Variants in GRB14 observed in about 807,000 individuals in gnomAD.
The protein encoded by GRB14 is growth factor receptor-bound protein 14.
A neutral mutation model predicts 69.1 loss-of-function variants in GRB14; 38 were observed. The observed-to-expected ratio is 0.55, with a 90% CI of 0.42 to 0.72. The LOEUF (loss-of-function observed/expected upper bound fraction) is 0.72, where lower values mean the gene tolerates loss of function less well. Among genes scored for constraint, GRB14 ranks in the 30% least tolerant of loss-of-function variants. The pLI is 0.00. For synonymous variants in GRB14, 247 were observed against 241.3 expected (o/e 1.02, Z -0.22); for missense variants, 666 against 666.1 (o/e 1.00, Z 0.00).
intron 8 of GRB14, among the ~76,000 whole-genome samples, chr2:164,504,653 T>C (rs1209782686): frequency 6.6e-6 from 1 of 152,188 alleles, no homozygotes; most frequent in Non-Finnish European, 1.5e-5. Context: ...CTCTTCAGCC[T>C]CATCTGGAAA....
rs1355850353 is a variant in GRB14 at position 164,502,272 on chromosome 2, G to C, written c.1087C>G (p.Gln363Glu). Reference sequence around the variant, plus strand: ...GTCCTTACCATAGGTGATATGCTCTGTGAACTGCAGCCACTTCTACCTTGA... The same window carrying C: ...GTCCTTACCATAGGTGATATGCTCTCTGAACTGCAGCCACTTCTACCTTGA... ...PYQGRSGCSSQSISPMRSISE... is the reference protein window; with the variant it reads ...PYQGRSGCSSESISPMRSISE... The change falls in exon 9 of 14, where the codon CAG (glutamine) becomes GAG (glutamate). Residue 363 changes from glutamine (Q) to glutamate (E), a missense_variant. Transcript: ENST00000263915. 1.3e-5 allele frequency: 20 copies of C among 1,599,988 alleles called. No individual in the cohort carries two copies. The Admixed American group carries it at 3.3e-4, about 27-fold the overall frequency.
chr2:164,618,678 T>C (rs560345696), intron 2 of GRB14, among the ~76,000 whole-genome samples: 1 of 152,218 alleles, frequency 6.6e-6, no homozygotes, highest in Admixed American at 6.5e-5. Context: ...CATTTCTGTA[T>C]ATGATCAATA....
chr2:164,538,298 T>C (rs1045145147), intron 3 of GRB14, among the ~76,000 whole-genome samples: 1 of 152,200 alleles, frequency 6.6e-6, no homozygotes, highest in Non-Finnish European at 1.5e-5. Context: ...CACTGCTTCA[T>C]ACCATGGCTT....
intron 2 of GRB14, among the ~76,000 whole-genome samples, chr2:164,563,238 T>G (rs1688879955): frequency 6.6e-6 from 1 of 152,200 alleles, no homozygotes; most frequent in Admixed American, 6.5e-5. Flanking sequence ...ATAGCTACAT[T>G]TCATATCTGG....
At chr2:164,556,147 C>A (rs1688673624) in intron 2 of GRB14, among the ~76,000 whole-genome samples, 1 of 152,136 alleles carries the variant, frequency 6.6e-6, no homozygotes, top group Non-Finnish European at 1.5e-5. Context: ...GTCATTATTA[C>A]TTATTCCAAA....
rs1441484075 is a variant in GRB14, at chr2:164,618,025, G to A, written c.324+1662C>T. ...TCTGTCGTTCAGAGTGGAGTGCAGG[G>A]GCACAATCTCAGCTCACTGCAGCCT... On this transcript the variant is annotated intron_variant, in intron 2 of 13. Transcript: ENST00000263915. Among the ~76,000 whole-genome samples, 3 of 151,718 alleles carry A rather than the reference G, an allele frequency of 2.0e-5. No individual in the cohort carries two copies. In the East Asian group the frequency reaches 5.9e-4, roughly 30 times the overall value.
At chr2:164,516,635 A>C (rs1687495210) in intron 6 of GRB14, among the ~76,000 whole-genome samples, 1 of 152,236 alleles carries the variant, frequency 6.6e-6, no homozygotes, top group African/African-American at 2.4e-5. Context: ...GAAACTAAGC[A>C]GTCTTTTCCA....
chr2:164,582,444 A>G (rs1301097539), intron 2 of GRB14, among the ~76,000 whole-genome samples: 1 of 146,500 alleles, frequency 6.8e-6, no homozygotes, highest in African/African-American at 2.5e-5. Flanking sequence ...TTTTTTGAGA[A>G]GGAGTCTCGC....
chr2:164,540,052 C>T (rs1255057719), intron 3 of GRB14, among the ~76,000 whole-genome samples: 2 of 152,174 alleles, frequency 1.3e-5, no homozygotes, highest in African/African-American at 4.8e-5. Context: ...ACTTCTTGGC[C>T]TATGAGACCC....
chr2:164,494,445 A>G lies in GRB14; in HGVS notation c.1462T>C (p.Phe488Leu), dbSNP rs1368075233. Residue 488 changes from phenylalanine to leucine, a missense_variant, in exon 13 of 14, where the codon TTT becomes CTT. Coordinates refer to ENST00000263915, the MANE Select transcript of GRB14 (RefSeq NM_004490.3). ...SMSHGQKIKH[F>L]QIIPVEDDGE... ...GAATTACTTACTGGTATAATTTGAA[A>G]GTGCTTTATTTTTTGTCCATGACTC... The G allele has an allele frequency of 1.9e-6, 3 of 1,574,392 alleles. No homozygotes were observed. The highest frequency in any genetic ancestry group is 2.2e-5 in the East Asian group (1 of 44,610).
intron 4 of GRB14, 33 bp downstream of exon 4, chr2:164,526,981 T>C: frequency 6.7e-7 from 1 of 1,490,744 alleles, no homozygotes; most frequent in Non-Finnish European, 9.1e-7. Flanking sequence ...GGTTCATTTA[T>C]TTTCCGTAAC....
intron 2 of GRB14, among the ~76,000 whole-genome samples, chr2:164,610,972 G>A (rs1690155292): frequency 6.7e-6 from 1 of 149,634 alleles, no homozygotes; most frequent in Non-Finnish European, 1.5e-5. Context: ...AGAATAAAGA[G>A]GAATCAGGTA....
chr2:164,493,445 G>A (rs1349374201), intron 13 of GRB14, among the ~76,000 whole-genome samples: 1 of 151,988 alleles, frequency 6.6e-6, no homozygotes, highest in Admixed American at 6.6e-5. Context: ...AAGACAGTAT[G>A]AATATTTTGA....
chr2:164,599,602 G>C (rs955607226), intron 2 of GRB14, among the ~76,000 whole-genome samples: 1 of 152,186 alleles, frequency 6.6e-6, no homozygotes, highest in Non-Finnish European at 1.5e-5. Context: ...TTATTCTACT[G>C]TAACTAATAG....
In GRB14 at chr2:164,492,421, T is replaced by C. The variant is rs779513762; in HGVS notation, c.*615A>G. ...CTAATGGGTACAATACCAGTATAAA[T>C]TTTATAATTAACTATTTAATAATAT... On this transcript the variant is annotated 3_prime_UTR_variant, in exon 14 of 14. Transcript: ENST00000263915. 6.6e-6 allele frequency among the ~76,000 whole-genome samples: 1 copy of C among 151,886 alleles called. No individual in the cohort carries two copies. Among genetic ancestry groups the C allele is most frequent in the Non-Finnish European group, 1.5e-5 (1 of 67,892 alleles).
At chr2:164,533,368 G>A (rs1006320878) in intron 3 of GRB14, among the ~76,000 whole-genome samples, 3 of 150,944 alleles carry the variant, frequency 2.0e-5, no homozygotes, top group African/African-American at 7.3e-5. Flanking sequence ...GAGTAGCTGG[G>A]ACTACAGGCA....
intron 2 of GRB14, among the ~76,000 whole-genome samples, chr2:164,586,579 T>C (rs1689545254): frequency 6.6e-6 from 1 of 152,188 alleles, no homozygotes; most frequent in Non-Finnish European, 1.5e-5. Flanking sequence ...TTCTATGTGC[T>C]GATCTCTGCA....
At chr2:164,580,433 G>A (rs1351465849) in intron 2 of GRB14, among the ~76,000 whole-genome samples, 3 of 151,284 alleles carry the variant, frequency 2.0e-5, no homozygotes, top group Admixed American at 6.6e-5. Flanking sequence ...GGCTGGGCGC[G>A]GTGGCTCATG....
intron 2 of GRB14, among the ~76,000 whole-genome samples, chr2:164,574,721 C>T (rs1022732918): frequency 3.9e-5 from 6 of 152,094 alleles, no homozygotes; most frequent in South Asian, 4.2e-4. Flanking sequence ...AGGAGGATGG[C>T]TTGAGGTCAA....
Sources: gnomAD v4.1 joint callset for allele counts (sites outside exome capture counted in the v4.1 genomes callset) on GRCh38, gnomAD v4.1.1 for gene constraint, MANE v1.5 for transcripts, NCBI Gene and HGNC (gene_info 2026-07-23, HGNC 2026-07-21) for gene names.